The following OPCML variants were observed in gnomAD, a reference collection of about 807,000 sequenced individuals.
OPCML encodes opioid binding protein/cell adhesion molecule like.
In OPCML, 13 loss-of-function variants were observed where a neutral mutation model predicts 37.8. That is an observed-to-expected ratio of 0.34 (90% CI 0.22 to 0.55). The LOEUF is 0.55. Among genes scored for constraint, OPCML ranks in the 20% least tolerant of loss-of-function variants. The probability of loss-of-function intolerance (pLI) is 0.91; values close to 1 mark genes in which losing one functional copy is unlikely to be tolerated. For synonymous variants in OPCML, 176 were observed against 168.8 expected (o/e 1.04, Z -0.33); for missense variants, 341 against 435.6 (o/e 0.78, Z 1.93).
intron 1 of OPCML, among the ~76,000 whole-genome samples, chr11:133,236,001 G>A (rs142046668): frequency 4.6e-5 from 7 of 152,232 alleles, no homozygotes; most frequent in Admixed American, 1.3e-4. Flanking sequence ...GTAGTAAAAC[G>A]TTATATATAC....
chr11:132,796,508 G>T (rs1296637684), intron 2 of OPCML, among the ~76,000 whole-genome samples: 1 of 146,294 alleles, frequency 6.8e-6, no homozygotes, highest in Admixed American at 6.8e-5. Context: ...CAGAATAGGA[G>T]AATTCAAATT....
At chr11:133,026,433 C>G in intron 1 of OPCML, 3 of 985,436 alleles carry the variant, frequency 3.0e-6, no homozygotes, top group South Asian at 9.4e-5. Context: ...TTTGCATCCT[C>G]TTTTCTCATC....
chr11:132,560,926 CCTAT>C (rs1212181941), intron 3 of OPCML, among the ~76,000 whole-genome samples: 2 of 152,052 alleles, frequency 1.3e-5, no homozygotes, highest in African/African-American at 4.8e-5. Context: ...TTAATTAAGT[CCTAT>C]CTATTTATCT....
In OPCML at chr11:132,460,531, G is replaced by C. The variant is rs1285382209; in HGVS notation, c.506-23172C>G. Among the ~76,000 whole-genome samples, 3 of 152,302 alleles carry C rather than the reference G, an allele frequency of 2.0e-5. No individual in the cohort carries two copies. The East Asian group carries it at 5.8e-4, about 29-fold the overall frequency. On this transcript the variant is annotated intron_variant, in intron 4 of 7. Coordinates refer to ENST00000524381, the MANE Select transcript of OPCML (RefSeq NM_001012393.5). ...AAAGGGACTGAAGTCAACAGGGCAG[G>C]AGGAAGATGTATGGTGACTAAAGAT...
intron 1 of OPCML, among the ~76,000 whole-genome samples, chr11:133,531,796 GA>G (rs1217278045): frequency 6.6e-6 from 1 of 151,912 alleles, no homozygotes; most frequent in Non-Finnish European, 1.5e-5. Context: ...GAGAGACAGG[GA>G]GGCGCAGAGA....
chr11:132,438,286 G>T (rs1025241524), intron 4 of OPCML, among the ~76,000 whole-genome samples: 11 of 152,222 alleles, frequency 7.2e-5, no homozygotes, highest in African/African-American at 2.2e-4. Context: ...AAAACACTGA[G>T]ATCCCATCAA....
At chr11:132,554,477 G>A (rs1186664552) in intron 3 of OPCML, among the ~76,000 whole-genome samples, 1 of 152,204 alleles carries the variant, frequency 6.6e-6, no homozygotes, top group Non-Finnish European at 1.5e-5. Context: ...GCTAGCTGCT[G>A]AGCATCAGGG....
intron 7 of OPCML, among the ~76,000 whole-genome samples, chr11:132,431,397 G>A (rs746930290): frequency 6.6e-6 from 1 of 152,208 alleles, no homozygotes; most frequent in Non-Finnish European, 1.5e-5. Flanking sequence ...GGCGTTGACC[G>A]CCTTTCCACA....
intron 1 of OPCML, among the ~76,000 whole-genome samples, chr11:133,128,946 A>G (rs55976085): frequency 0.094 from 14,265 of 152,224 alleles, 1,406 homozygotes; most frequent in African/African-American, 0.25. Flanking sequence ...CAATAAAAAA[A>G]CACACAGAAT....
chr11:132,468,896 T>C (rs2096127311), intron 4 of OPCML, among the ~76,000 whole-genome samples: 1 of 152,158 alleles, frequency 6.6e-6, no homozygotes. Context: ...TCCATACTGA[T>C]CCAATCACAC....
intron 4 of OPCML, among the ~76,000 whole-genome samples, chr11:132,526,774 C>CT (rs892356072): frequency 4.6e-5 from 7 of 151,850 alleles, no homozygotes; most frequent in Non-Finnish European, 8.8e-5. Context: ...ATAAAATGCA[C>CT]TTTTTTTTAC....
chr11:133,384,086 C>G (rs1944987601), intron 1 of OPCML, among the ~76,000 whole-genome samples: 2 of 151,930 alleles, frequency 1.3e-5, no homozygotes, highest in African/African-American at 2.4e-5. Context: ...GTGGTAAAAA[C>G]AGATACATAC....
chr11:133,136,072 C>T (rs1949685049), intron 1 of OPCML, among the ~76,000 whole-genome samples: 1 of 152,212 alleles, frequency 6.6e-6, no homozygotes, highest in Non-Finnish European at 1.5e-5. Context: ...TAGCTATTTA[C>T]TATGAGAAAC....
intron 2 of OPCML, among the ~76,000 whole-genome samples, chr11:132,716,291 T>C (rs1430813553): frequency 3.9e-5 from 6 of 152,226 alleles, no homozygotes; most frequent in Admixed American, 3.9e-4. Context: ...AAGTAGCATG[T>C]AGATTTAAGT....
At chr11:132,636,780 C>T (rs1940526846) in intron 3 of OPCML, among the ~76,000 whole-genome samples, 1 of 152,132 alleles carries the variant, frequency 6.6e-6, no homozygotes, top group African/African-American at 2.4e-5. Context: ...AAAGAAGACA[C>T]TGGGAGGCTC....
intron 1 of OPCML, chr11:133,299,128 C>T (rs551813549): frequency 6.6e-6 from 1 of 152,264 alleles, no homozygotes; most frequent in South Asian, 2.1e-4. Flanking sequence ...TCTTATTCAC[C>T]ACCCAGCACT....
intron 1 of OPCML, among the ~76,000 whole-genome samples, chr11:133,039,497 A>G (rs977277229): frequency 6.6e-6 from 1 of 152,052 alleles, no homozygotes; most frequent in African/African-American, 2.4e-5. Context: ...CCTCACCCAC[A>G]CTCATTTGAA....
Position 132,716,388 on chromosome 11 carries a change from ATTTATCTATCTATCTATCTGTCTG to A in OPCML, c.147-59093_147-59070del, listed in dbSNP as rs1565801857. 1.2e-4 allele frequency among the ~76,000 whole-genome samples: 16 copies of A among 129,128 alleles called. No homozygotes were observed. In the South Asian group the frequency reaches 2.9e-3, roughly 24 times the overall value. The allele number at this position is 129,128 out of a possible 152,430, so 84.7% of individuals were successfully genotyped here. On this transcript the variant is annotated intron_variant, in intron 2 of 7. Coordinates refer to ENST00000524381, the MANE Select transcript of OPCML (RefSeq NM_001012393.5). The stretch of plus-strand genomic sequence containing the variant: ...CTGTTGTCTGTCTGTCTATCTGTCT[ATTTATCTATCTATCTATCTGTCTG>A]TCTATCTATCTATCTATCTATCTAT...
intron 1 of OPCML, chr11:133,007,181 C>CTA (rs1227204259): frequency 1.0e-6 from 1 of 985,332 alleles, no homozygotes; most frequent in African/African-American, 1.7e-5. Flanking sequence ...CTTGGGGACT[C>CTA]TGTCTCACAT....
Sources: gnomAD v4.1 joint callset for allele counts (sites outside exome capture counted in the v4.1 genomes callset) on GRCh38, gnomAD v4.1.1 for gene constraint, MANE v1.5 for transcripts, NCBI Gene and HGNC (gene_info 2026-07-23, HGNC 2026-07-21) for gene names.